The following OR1A1 variants were observed in gnomAD, a reference collection of about 807,000 sequenced individuals.
OR1A1 encodes the protein olfactory receptor family 1 subfamily A member 1.
For synonymous variants in OR1A1, 145 were observed against 147.8 expected (o/e 0.98, Z 0.13); for missense variants, 391 against 379.9 (o/e 1.03, Z -0.24).
intron 3 of OR1A1, 36 bp from the exon 4 acceptor site, chr17:3,215,579 TA>T: frequency 7.0e-7 from 1 of 1,424,426 alleles, no homozygotes; most frequent in Non-Finnish European, 9.8e-7. Flanking sequence ...GTAACTATGC[TA>T]ATATAATGAT....
intron 1 of OR1A1, among the ~76,000 whole-genome samples, chr17:3,208,231 A>G (rs746443514): frequency 3.3e-5 from 5 of 152,100 alleles, no homozygotes; most frequent in Admixed American, 6.5e-5. Flanking sequence ...TCCCCTTCTG[A>G]TAATGTTTCT....
rs1360278636 is a variant in OR1A1 at position 3,217,702 on chromosome 17, T to G, written c.*1152T>G. ...AAAGGATTCCCTATTTAATAAATGGTGTTGGGAAAACTGGCTAGCCATATG... is the reference window on the plus strand; with the variant it reads ...AAAGGATTCCCTATTTAATAAATGGGGTTGGGAAAACTGGCTAGCCATATG... On this transcript the variant is annotated 3_prime_UTR_variant, in exon 4 of 4. Transcript: ENST00000641732. 6.6e-6 allele frequency: 1 copy of G among 152,130 alleles called. No homozygotes were observed. Among genetic ancestry groups the G allele is most frequent in the Non-Finnish European group, 1.5e-5 (1 of 68,024 alleles). The allele number at this position is 152,130 out of a possible 1,614,324, so 9.4% of individuals were successfully genotyped here.
At chr17:3,212,877 G>C (rs777056505) in intron 3 of OR1A1, 6 of 152,380 alleles carry the variant, frequency 3.9e-5, no homozygotes, top group Admixed American at 1.3e-4. Context: ...CAGTGAAATG[G>C]AGGCAGGGGG....
At position 3,216,222 on chromosome 17, in the gene OR1A1, T is replaced by C. The variant is rs2048468424; in HGVS notation, c.602T>C (p.Leu201Pro). 6.2e-7 allele frequency: 1 copy of C among 1,614,062 alleles called. No individual in the cohort carries two copies. The highest frequency in any genetic ancestry group is 1.3e-5 in the African/African-American group (1 of 74,908). The stretch of plus-strand genomic sequence containing the variant: ...CACTTTCATGTGAAGATGATGTACC[T>C]AGGGGTTGGCATTTTCTCTGTGCCA... ...DIHFHVKMMYLGVGIFSVPLL... is the reference protein window; with the variant it reads ...DIHFHVKMMYPGVGIFSVPLL... The change falls in exon 4 of 4, where the codon CTA (leucine) becomes CCA (proline). Residue 201 changes from leucine to proline, a missense_variant. Physicochemically the swap from Leu to Pro is moderately conservative, Grantham distance 98. Transcript: ENST00000641732.
Position 3,217,945 on chromosome 17 carries a change from G to A in OR1A1, c.*1395G>A, listed in dbSNP as rs535834074. The A allele has an allele frequency of 6.6e-6, 1 of 152,242 alleles. No individual in the cohort carries two copies. The highest frequency in any genetic ancestry group is 1.5e-5 in the Non-Finnish European group (1 of 68,020). 9.4% of individuals were successfully genotyped at this position (152,242 alleles called of 1,614,324 possible). The stretch of plus-strand genomic sequence containing the variant: ...ACAAATGGGATCTAATTAAACTAAA[G>A]AGCTTCTGCACAGCAAAAGAAACTA... On this transcript the variant is annotated 3_prime_UTR_variant, in exon 4 of 4. Coordinates refer to ENST00000641732, the MANE Select transcript of OR1A1 (RefSeq NM_014565.3).
chr17:3,216,610 G>C lies in OR1A1; in HGVS notation c.*60G>C, dbSNP rs1395314043. The C allele has an allele frequency of 5.4e-6, 7 of 1,303,856 alleles. No individual in the cohort carries two copies. The highest frequency in any genetic ancestry group is 7.4e-6 in the Non-Finnish European group (7 of 942,600). 80.8% of individuals were successfully genotyped at this position (1,303,856 alleles called of 1,614,324 possible). On this transcript the variant is annotated 3_prime_UTR_variant, in exon 4 of 4. Transcript: ENST00000641732. ...CCAGTTACGGTATATTGGAAATCCAGTTCTGATGTCATCCTCCTACGAGAG... is the reference window on the plus strand; with the variant it reads ...CCAGTTACGGTATATTGGAAATCCACTTCTGATGTCATCCTCCTACGAGAG...
rs750409672 is a variant in OR1A1, at chr17:3,216,092, C to G, written c.472C>G (p.Pro158Ala). 3 of 1,614,118 alleles carry G rather than the reference C, an allele frequency of 1.9e-6. No homozygotes were observed. Among genetic ancestry groups the G allele is most frequent in the Non-Finnish European group, 1.7e-6 (2 of 1,180,018 alleles). The change falls in exon 4 of 4, where the codon CCC (proline) becomes GCC (alanine). Residue 158 changes from proline to alanine, a missense_variant. Pro to Ala is a conservative substitution (Grantham distance 27, BLOSUM62 -1). Coordinates refer to ENST00000641732, the MANE Select transcript of OR1A1 (RefSeq NM_014565.3). Reference protein sequence around the residue: ...SWVIGNANALPHTLLTASLSF... With the variant: ...SWVIGNANALAHTLLTASLSF... ...GGTGATTGGAAATGCCAATGCCCTC[C>G]CCCACACTCTGCTCACAGCTAGTCT...
chr17:3,211,672 T>C (rs1376569478), intron 2 of OR1A1, among the ~76,000 whole-genome samples: 1 of 152,200 alleles, frequency 6.6e-6, no homozygotes, highest in African/African-American at 2.4e-5. Flanking sequence ...GTCAAACTCA[T>C]GTTTAAAAGA....
At chr17:3,211,583 G>T (rs772602124) in intron 2 of OR1A1, among the ~76,000 whole-genome samples, 5 of 152,128 alleles carry the variant, frequency 3.3e-5, no homozygotes, top group Non-Finnish European at 5.9e-5. Context: ...TAATCCGCCT[G>T]CTTCGGCCTC....
Position 3,215,768 on chromosome 17 carries a change from T to C in OR1A1, c.148T>C (p.Cys50Arg), listed in dbSNP as rs781506277. Residue 50 changes from cysteine (C) to arginine (R), a missense_variant, in exon 4 of 4, where the codon TGC (cysteine) becomes CGC (arginine). Coordinates refer to ENST00000641732, the MANE Select transcript of OR1A1 (RefSeq NM_014565.3). ...AAACCTGCTCATCGTCCTAGCCATT[T>C]GCTCTGATGTTCGCCTTCACAACCC... is the stretch of plus-strand genomic sequence containing the variant. ...IGNLLIVLAICSDVRLHNPMY... is the reference protein window; with the variant it reads ...IGNLLIVLAIRSDVRLHNPMY... 2 of 1,614,180 alleles carry C rather than the reference T, an allele frequency of 1.2e-6. No homozygotes were observed. The highest frequency in any genetic ancestry group is 1.1e-5 in the South Asian group (1 of 91,074).
At position 3,215,554 on chromosome 17, in the gene OR1A1, T is replaced by G. The variant is rs948182783; in HGVS notation, c.-5-62T>G. The G allele has an allele frequency of 5.1e-6, 6 of 1,183,050 alleles. No homozygotes were observed. The African/African-American group carries it at 9.1e-5, about 18-fold the overall frequency. The allele number at this position is 1,183,050 out of a possible 1,614,324, so 73.3% of individuals were successfully genotyped here. On this transcript the variant is annotated intron_variant, in intron 3 of 3. Coordinates refer to ENST00000641732, the MANE Select transcript of OR1A1 (RefSeq NM_014565.3). ...TTAAGTCAGAAGTGATGGAGAAGGA[T>G]TATCACTACACACAGTAACTATGCT...
At position 3,216,361 on chromosome 17, in the gene OR1A1, C is replaced by T. The variant is rs1311620956; in HGVS notation, c.741C>T (p.Val247=). 6.2e-7 allele frequency: 1 copy of T among 1,614,196 alleles called. No homozygotes were observed. The highest frequency in any genetic ancestry group is 1.7e-5 in the Admixed American group (1 of 60,022). ...CCTGTGGTTCCCACCTCACGGTTGT[C>T]TCTTTGTATTATGGTACAGTCATGG... The part of the protein sequence containing the change: ...FSTCGSHLTV[V]SLYYGTVMGT... The change falls in exon 4 of 4, where the codon GTC becomes GTT. Residue 247 remains valine, a synonymous_variant. Transcript: ENST00000641732.
chr17:3,214,029 T>C (rs1016728980), intron 3 of OR1A1: 1 of 152,110 alleles, frequency 6.6e-6, no homozygotes, highest in Non-Finnish European at 1.5e-5. Flanking sequence ...GGACATTTAG[T>C]AGAAAGGCTG....
intron 3 of OR1A1, chr17:3,215,046 G>A (rs1455506734): frequency 1.3e-5 from 2 of 153,838 alleles, no homozygotes; most frequent in East Asian, 1.9e-4. Flanking sequence ...ATCCCTCTGA[G>A]TTTTTTCAAT....
chr17:3,209,733 G>A (rs923886492), intron 2 of OR1A1, among the ~76,000 whole-genome samples: 2 of 152,026 alleles, frequency 1.3e-5, no homozygotes, highest in African/African-American at 4.8e-5. Flanking sequence ...TCATACCACT[G>A]CCCTCCAGCC....
intron 2 of OR1A1, among the ~76,000 whole-genome samples, chr17:3,209,256 C>G (rs889231164): frequency 6.6e-6 from 1 of 152,130 alleles, no homozygotes; most frequent in Non-Finnish European, 1.5e-5. Flanking sequence ...CATAGCTTAG[C>G]TCCCACATAT....
Position 3,215,732 on chromosome 17 carries a change from A to T in OR1A1, c.112A>T (p.Thr38Ser). The change falls in exon 4 of 4, where the codon ACA (threonine) becomes TCA (serine). Residue 38 changes from threonine to serine, a missense_variant. Coordinates refer to ENST00000641732, the MANE Select transcript of OR1A1 (RefSeq NM_014565.3). ...YILFLFIYPI[T>S]LIGNLLIVLA... ...CCTCTTCTTGTTCATTTACCCCATC[A>T]CATTGATTGGAAACCTGCTCATCGT... 2 of 1,614,134 alleles carry T rather than the reference A, an allele frequency of 1.2e-6. No individual in the cohort carries two copies. Among genetic ancestry groups the T allele is most frequent in the Non-Finnish European group, 1.7e-6 (2 of 1,180,008 alleles).
In OR1A1 at chr17:3,216,560, G is replaced by A; in HGVS notation, c.*10G>A. On this transcript the variant is annotated 3_prime_UTR_variant, in exon 4 of 4. Transcript: ENST00000641732. Reference sequence around the variant, plus strand: ...GAGAATCTCCTCGTAACCAATGTGAGGGCCTACATTGGATACCGTAGTCAC... The same window carrying A: ...GAGAATCTCCTCGTAACCAATGTGAAGGCCTACATTGGATACCGTAGTCAC... 1.3e-6 allele frequency: 2 copies of A among 1,599,244 alleles called. No homozygotes were observed. Among genetic ancestry groups the A allele is most frequent in the Non-Finnish European group, 1.7e-6 (2 of 1,170,506 alleles).
At position 3,216,089 on chromosome 17, in the gene OR1A1, C is replaced by A; in HGVS notation, c.469C>A (p.Leu157Ile). 1 of 1,614,144 alleles carries A rather than the reference C, an allele frequency of 6.2e-7. No homozygotes were observed. The highest frequency in any genetic ancestry group is 8.5e-7 in the Non-Finnish European group (1 of 1,180,032). The change falls in exon 4 of 4, where the codon CTC becomes ATC. Residue 157 changes from leucine (L) to isoleucine (I), a missense_variant. Coordinates refer to ENST00000641732, the MANE Select transcript of OR1A1 (RefSeq NM_014565.3). ...TTGGGTGATTGGAAATGCCAATGCC[C>A]TCCCCCACACTCTGCTCACAGCTAG... is the stretch of plus-strand genomic sequence containing the variant. ...GSWVIGNANA[L>I]PHTLLTASLS...
Sources: allele counts gnomAD v4.1 joint callset (sites outside exome capture counted in the v4.1 genomes callset), GRCh38; gene constraint gnomAD v4.1.1; transcripts MANE v1.5; gene names NCBI Gene and HGNC (gene_info 2026-07-23, HGNC 2026-07-21).